The following PIK3R3 variants were observed in gnomAD, a reference collection of about 807,000 sequenced individuals.
The protein encoded by PIK3R3 is phosphoinositide-3-kinase regulatory subunit 3, also known as phosphatidylinositol 3-kinase regulatory subunit gamma.
In PIK3R3, 64 loss-of-function variants were observed where a neutral mutation model predicts 62.9. That is an observed-to-expected ratio of 1.02 (90% CI 0.83 to 1.25). The LOEUF (loss-of-function observed/expected upper bound fraction) is 1.25, where lower values mean the gene tolerates loss of function less well. PIK3R3 is among the 50% of genes most tolerant of loss of function. The pLI is 0.00. For missense variants in PIK3R3, 614 were observed against 561.6 expected, an observed-to-expected ratio of 1.09 and a Z score of -0.94; for synonymous variants, 165 against 189.0, an observed-to-expected ratio of 0.87 and a Z score of 1.04.
chr1:46,157,474 C>T, the PIK3R3 span, among the ~76,000 whole-genome samples: 2 of 152,142 alleles, frequency 1.3e-5, no homozygotes, highest in Non-Finnish European at 2.9e-5. Flanking sequence ...AGTGGCTCAG[C>T]AGATCCAGAG....
rs574405209 is a variant in PIK3R3, at chr1:46,127,402, CA to C, written c.106+4444del. 4.7e-3 allele frequency among the ~76,000 whole-genome samples: 681 copies of C among 145,556 alleles called. 1 individual carries two copies. The highest frequency in any genetic ancestry group is 5.7e-3 in the Non-Finnish European group (378 of 66,308). ...TTTCAGAAGTCTGTCTTGATAAGAA[CA>C]AAAAAAAGCCAACAATTTTTAAAAA... is the stretch of plus-strand genomic sequence containing the variant. On this transcript the variant is annotated intron_variant, in intron 1 of 9. Transcript: ENST00000262741.
intron 6 of PIK3R3, among the ~76,000 whole-genome samples, chr1:46,060,334 C>A (rs1648364598): frequency 6.6e-6 from 1 of 151,584 alleles, no homozygotes; most frequent in African/African-American, 2.4e-5. Flanking sequence ...CTAAAAAGTA[C>A]CAAAAATTAG....
the PIK3R3 span, among the ~76,000 whole-genome samples, chr1:46,148,626 G>T: frequency 6.6e-6 from 1 of 152,094 alleles, no homozygotes; most frequent in Non-Finnish European, 1.5e-5. Flanking sequence ...GGGATCAGTT[G>T]CACTCAAGCT....
intron 6 of PIK3R3, among the ~76,000 whole-genome samples, chr1:46,060,017 T>C (rs1648326137): frequency 6.6e-6 from 1 of 151,778 alleles, no homozygotes; most frequent in South Asian, 2.1e-4. Context: ...GGATAATCAC[T>C]TGAACCCAGG....
rs1647126528 is a variant in PIK3R3, at chr1:46,046,684, G to A, written c.942-59C>T. ...TGCAAACTCTGACTGGACAAAGTAG[G>A]TATGTCTGAGCCAACTAAACTTCTA... On this transcript the variant is annotated intron_variant, in intron 7 of 9. Coordinates refer to ENST00000262741, the MANE Select transcript of PIK3R3 (RefSeq NM_003629.4). The A allele has an allele frequency of 3.4e-6, 4 of 1,181,210 alleles. No individual in the cohort carries two copies. The African/African-American group carries it at 4.5e-5, about 13-fold the overall frequency. The allele number at this position is 1,181,210 out of a possible 1,614,324, so 73.2% of individuals were successfully genotyped here.
chr1:46,136,501 T>C (rs1655939516), upstream of PIK3R3, among the ~76,000 whole-genome samples: 1 of 152,218 alleles, frequency 6.6e-6, no homozygotes, highest in African/African-American at 2.4e-5. Context: ...TGCAATTTTT[T>C]ACCTTTCCTC....
At chr1:46,049,816 T>A (rs60524971) in intron 7 of PIK3R3, among the ~76,000 whole-genome samples, 4,589 of 147,794 alleles carry the variant, frequency 0.031, 229 homozygotes, top group African/African-American at 0.11. Flanking sequence ...TAAATTTAAT[T>A]AAAAAAAAAA....
chr1:46,099,690 A>G (rs1024327347), intron 1 of PIK3R3, among the ~76,000 whole-genome samples: 1 of 152,164 alleles, frequency 6.6e-6, no homozygotes, highest in Non-Finnish European at 1.5e-5. Flanking sequence ...GCTTTTACAA[A>G]CAATGTTGCT....
At chr1:46,169,800 T>C in the PIK3R3 span, among the ~76,000 whole-genome samples, 9 of 152,214 alleles carry the variant, frequency 5.9e-5, no homozygotes, top group Non-Finnish European at 1.3e-4. Flanking sequence ...TTGGAACTGC[T>C]CCTTCTGGGT....
At chr1:46,138,534 C>A in the PIK3R3 span, among the ~76,000 whole-genome samples, 28 of 152,266 alleles carry the variant, frequency 1.8e-4, no homozygotes, top group African/African-American at 6.7e-4. Flanking sequence ...GTGGTGTGCT[C>A]CTGTAGTCCC....
rs1649047083 is a variant in PIK3R3 at position 46,066,930 on chromosome 1, G to A, written c.476C>T (p.Pro159Leu). 6.2e-7 allele frequency: 1 copy of A among 1,613,276 alleles called. No individual in the cohort carries two copies. Among genetic ancestry groups the A allele is most frequent in the Non-Finnish European group, 8.5e-7 (1 of 1,179,456 alleles). The change falls in exon 4 of 10, where the codon CCA becomes CTA. Residue 159 changes from proline (P) to leucine (L), a missense_variant. Pro to Leu is a moderately conservative substitution (Grantham distance 98, BLOSUM62 -3). Transcript: ENST00000262741. Reference protein sequence around the residue: ...NPKLDVKLMYPVSRYQQDQLV... With the variant: ...NPKLDVKLMYLVSRYQQDQLV... The stretch of plus-strand genomic sequence containing the variant: ...TCATACCTGTTGGTATCTGGACACT[G>A]GGTACATCAGCTTCACATCAAGTTT...
intron 1 of PIK3R3, among the ~76,000 whole-genome samples, chr1:46,097,628 CTG>C (rs909721076): frequency 2.0e-4 from 31 of 151,616 alleles, no homozygotes; most frequent in Non-Finnish European, 3.8e-4. Flanking sequence ...TGGCTCATAC[CTG>C]TAATCCCAGC....
chr1:46,093,926 G>A (rs559985293), intron 1 of PIK3R3, among the ~76,000 whole-genome samples: 3 of 151,338 alleles, frequency 2.0e-5, no homozygotes, highest in Admixed American at 6.6e-5. Context: ...GCAATCAGCC[G>A]GGTATGGTGG....
At chr1:46,050,057 G>A (rs896798471) in intron 7 of PIK3R3, among the ~76,000 whole-genome samples, 1 of 149,186 alleles carries the variant, frequency 6.7e-6, no homozygotes, top group Non-Finnish European at 1.5e-5. Flanking sequence ...GGAGGCAGAG[G>A]TTGCAGTGAG....
At chr1:46,165,346 C>T in the PIK3R3 span, among the ~76,000 whole-genome samples, 1 of 143,840 alleles carries the variant, frequency 7.0e-6, no homozygotes, top group Non-Finnish European at 1.5e-5. Flanking sequence ...ACTCTTGTTG[C>T]CCAGGCTGGA....
At chr1:46,054,019 T>TA (rs1235224010) in intron 7 of PIK3R3, among the ~76,000 whole-genome samples, 6 of 152,176 alleles carry the variant, frequency 3.9e-5, no homozygotes, top group Admixed American at 2.6e-4. Flanking sequence ...TTGGCCACAA[T>TA]AGCAAACTAA....
intron 3 of PIK3R3, among the ~76,000 whole-genome samples, chr1:46,068,631 G>A (rs1649216545): frequency 6.6e-6 from 1 of 152,210 alleles, no homozygotes; most frequent in South Asian, 2.1e-4. Flanking sequence ...TCTAAGTGAA[G>A]TGAGGGAGCT....
chr1:46,115,688 A>G (rs887729216), intron 1 of PIK3R3, among the ~76,000 whole-genome samples: 2 of 152,248 alleles, frequency 1.3e-5, no homozygotes, highest in African/African-American at 2.4e-5. Context: ...GTCCTGCAAC[A>G]GGTCTGAACC....
chr1:46,100,227 C>T (rs997311521), intron 1 of PIK3R3, among the ~76,000 whole-genome samples: 3 of 152,120 alleles, frequency 2.0e-5, no homozygotes, highest in Non-Finnish European at 4.4e-5. Context: ...ACCTTCCCTG[C>T]CCTAGTATCA....
Sources: allele counts gnomAD v4.1 joint callset (sites outside exome capture counted in the v4.1 genomes callset), GRCh38; gene constraint gnomAD v4.1.1; transcripts MANE v1.5; gene names NCBI Gene and HGNC (gene_info 2026-07-23, HGNC 2026-07-21).